Variants in DGKI observed in about 807,000 individuals in gnomAD.
The protein encoded by DGKI is diacylglycerol kinase iota.
Under a neutral mutation model 147.5 loss-of-function variants are expected in DGKI, and 55 were observed. The ratio of observed to expected loss-of-function variants is 0.37; its 90% CI spans 0.30 to 0.47. DGKI has a LOEUF of 0.47. Among genes scored for constraint, DGKI ranks in the 20% least tolerant of loss-of-function variants. The pLI is 1.00. For missense variants in DGKI, 1,007 were observed against 1,323.8 expected (o/e 0.76, Z 3.71); for synonymous variants, 469 against 477.1 (o/e 0.98, Z 0.22).
intron 20 of DGKI, among the ~76,000 whole-genome samples, chr7:137,533,733 A>G (rs1006047794): frequency 6.6e-6 from 1 of 151,952 alleles, no homozygotes; most frequent in East Asian, 1.9e-4. Context: ...ATAATATATT[A>G]TAAGACTGAA....
At chr7:137,442,356 G>C (rs1406126491) in intron 28 of DGKI, among the ~76,000 whole-genome samples, 2 of 152,128 alleles carry the variant, frequency 1.3e-5, no homozygotes, top group Non-Finnish European at 2.9e-5. Context: ...AACCACTTAA[G>C]AAGTCCTAGT....
chr7:137,636,768 G>A (rs1004022208), intron 6 of DGKI, among the ~76,000 whole-genome samples: 1 of 152,204 alleles, frequency 6.6e-6, no homozygotes, highest in Non-Finnish European at 1.5e-5. Flanking sequence ...TGAGTGGCTT[G>A]GTGCTGCATT....
chr7:137,383,149 C>T lies in DGKI; in HGVS notation c.*8071G>A, dbSNP rs1435193065. The T allele has an allele frequency of 1.3e-5, 2 of 151,818 alleles. No individual in the cohort carries two copies. The highest frequency in any genetic ancestry group is 2.9e-5 in the Non-Finnish European group (2 of 67,878). 9.4% of individuals were successfully genotyped at this position (151,818 alleles called of 1,614,324 possible). ...TAAATCCTTTGTTTTCACTTTGACT[C>T]CTGAATCTGTGACCTTTTTGCTTTA... On this transcript the variant is annotated 3_prime_UTR_variant, in exon 33 of 33. Transcript: ENST00000614521.
intron 1 of DGKI, among the ~76,000 whole-genome samples, chr7:137,779,662 T>C (rs562080670): frequency 6.6e-6 from 1 of 152,292 alleles, no homozygotes; most frequent in East Asian, 1.9e-4. Context: ...TGAACAGACG[T>C]TTGACAAAAG....
intron 19 of DGKI, among the ~76,000 whole-genome samples, chr7:137,558,628 A>C (rs968277027): frequency 3.4e-5 from 4 of 116,668 alleles, no homozygotes. Flanking sequence ...GGGAACCTAA[A>C]TGCTATTAGT....
intron 1 of DGKI, among the ~76,000 whole-genome samples, chr7:137,826,380 C>T (rs1041144807): frequency 6.6e-6 from 1 of 152,220 alleles, no homozygotes; most frequent in African/African-American, 2.4e-5. Flanking sequence ...GTCACACTGA[C>T]TTTCCTCCAC....
At chr7:137,702,374 C>A (rs1387336468) in intron 1 of DGKI, among the ~76,000 whole-genome samples, 1 of 152,116 alleles carries the variant, frequency 6.6e-6, no homozygotes, top group Non-Finnish European at 1.5e-5. Flanking sequence ...ACTTACTCAG[C>A]ACCTCCTTCC....
intron 29 of DGKI, among the ~76,000 whole-genome samples, chr7:137,409,952 A>C (rs1812100723): frequency 6.6e-6 from 1 of 152,016 alleles, no homozygotes; most frequent in Non-Finnish European, 1.5e-5. Flanking sequence ...TATCCCATTT[A>C]ATATTTTATA....
chr7:137,444,511 G>A (rs1813637380), intron 27 of DGKI, among the ~76,000 whole-genome samples: 1 of 152,222 alleles, frequency 6.6e-6, no homozygotes, highest in Non-Finnish European at 1.5e-5. Flanking sequence ...TACTTGAACA[G>A]TATAAATTGA....
intron 1 of DGKI, among the ~76,000 whole-genome samples, chr7:137,804,448 G>A (rs766413227): frequency 2.6e-5 from 4 of 152,130 alleles, no homozygotes; most frequent in South Asian, 2.1e-4. Context: ...CACTCATTCC[G>A]TCCTTTTAAT....
chr7:137,837,782 G>A (rs527858623), intron 1 of DGKI, among the ~76,000 whole-genome samples: 116 of 152,192 alleles, frequency 7.6e-4, no homozygotes, highest in African/African-American at 2.6e-3. Context: ...TTTAGAAGCC[G>A]CCCAGTCTAT....
In DGKI at chr7:137,751,777, T is replaced by C. The variant is rs146915933; in HGVS notation, c.402-61775A>G. Among the ~76,000 whole-genome samples, 58 of 152,272 alleles carry C rather than the reference T, an allele frequency of 3.8e-4. No homozygotes were observed. The East Asian group carries it at 0.011, about 28-fold the overall frequency. ...AACACAAAAGCAACTATAGACAATA[T>C]ATAAACAAGTGAGCCAGCCTGCATT... On this transcript the variant is annotated intron_variant, in intron 1 of 32. Coordinates refer to ENST00000614521, the MANE Select transcript of DGKI (RefSeq NM_001321708.2).
At chr7:137,814,784 T>A (rs1337648156) in intron 1 of DGKI, among the ~76,000 whole-genome samples, 2 of 152,204 alleles carry the variant, frequency 1.3e-5, no homozygotes, top group African/African-American at 4.8e-5. Flanking sequence ...GAAAGGAATA[T>A]GAGCCTATAA....
intron 20 of DGKI, among the ~76,000 whole-genome samples, chr7:137,539,867 A>C (rs1464966702): frequency 6.6e-6 from 1 of 152,208 alleles, no homozygotes; most frequent in Non-Finnish European, 1.5e-5. Flanking sequence ...TTGACAAAGA[A>C]GAAAAAGATA....
At chr7:137,692,186 A>G (rs1294804165) in intron 1 of DGKI, among the ~76,000 whole-genome samples, 1 of 152,208 alleles carries the variant, frequency 6.6e-6, no homozygotes, top group Non-Finnish European at 1.5e-5. Flanking sequence ...GAACTTCTTT[A>G]GCATTTTTAT....
At chr7:137,664,185 T>C (rs1822546627) in intron 3 of DGKI, among the ~76,000 whole-genome samples, 1 of 152,004 alleles carries the variant, frequency 6.6e-6, no homozygotes, top group Non-Finnish European at 1.5e-5. Context: ...AAGACCAGCC[T>C]GGCCAACGTG....
chr7:137,778,068 A>T (rs149052150), intron 1 of DGKI, among the ~76,000 whole-genome samples: 1 of 152,240 alleles, frequency 6.6e-6, no homozygotes, highest in Non-Finnish European at 1.5e-5. Context: ...AAACAATTAA[A>T]TATAAGTTGA....
chr7:137,755,295 G>C (rs149188711), intron 1 of DGKI, among the ~76,000 whole-genome samples: 7 of 152,280 alleles, frequency 4.6e-5, no homozygotes, highest in African/African-American at 1.7e-4. Flanking sequence ...GTCCCATGAA[G>C]AGTTCCCCAC....
intron 12 of DGKI, among the ~76,000 whole-genome samples, chr7:137,594,565 T>C (rs1202192366): frequency 1.3e-5 from 2 of 152,176 alleles, no homozygotes; most frequent in African/African-American, 4.8e-5. Flanking sequence ...TTTGTCACTT[T>C]ACTGGCAGCA....
Sources: allele counts gnomAD v4.1 joint callset (sites outside exome capture counted in the v4.1 genomes callset), GRCh38; gene constraint gnomAD v4.1.1; transcripts MANE v1.5; gene names NCBI Gene and HGNC (gene_info 2026-07-23, HGNC 2026-07-21).